The following SKAP2 variants were observed in gnomAD, a reference collection of about 807,000 sequenced individuals.
SKAP2 encodes src kinase associated phosphoprotein 2.
Under a neutral mutation model 54.9 loss-of-function variants are expected in SKAP2, and 28 were observed. That is an observed-to-expected ratio of 0.51 (90% CI 0.38 to 0.70). SKAP2 has a LOEUF of 0.70. Ranked by LOEUF, SKAP2 falls within the 30% of genes least tolerant of loss-of-function variation. The pLI is 0.00. For synonymous variants in SKAP2, 137 were observed against 134.3 expected (o/e 1.02, Z -0.14); for missense variants, 356 against 424.1 (o/e 0.84, Z 1.41).
intron 4 of SKAP2, among the ~76,000 whole-genome samples, chr7:26,839,385 C>T (rs1406947877): frequency 6.6e-6 from 1 of 151,970 alleles, no homozygotes; most frequent in East Asian, 1.9e-4. Context: ...TGTTATTAAA[C>T]TGCTAAAACA....
At chr7:26,720,176 T>G (rs748881361) in intron 9 of SKAP2, among the ~76,000 whole-genome samples, 11 of 152,030 alleles carry the variant, frequency 7.2e-5, no homozygotes, top group Non-Finnish European at 1.6e-4. Flanking sequence ...TGGGAACCAC[T>G]GATGTAGCTC....
intron 4 of SKAP2, among the ~76,000 whole-genome samples, chr7:26,787,899 A>G (rs1783591815): frequency 6.6e-6 from 1 of 152,142 alleles, no homozygotes; most frequent in Admixed American, 6.5e-5. Flanking sequence ...TCTGTCGCCC[A>G]GACTGGAGTG....
chr7:26,706,176 T>C (rs1264389255), intron 9 of SKAP2, among the ~76,000 whole-genome samples: 2 of 152,170 alleles, frequency 1.3e-5, no homozygotes, highest in Non-Finnish European at 2.9e-5. Context: ...TTAATATCCA[T>C]GACTCTCTAA....
At chr7:26,738,359 T>G (rs1456036064) in intron 6 of SKAP2, among the ~76,000 whole-genome samples, 1 of 152,228 alleles carries the variant, frequency 6.6e-6, no homozygotes, top group Non-Finnish European at 1.5e-5. Context: ...CTGTTATTCC[T>G]TAAATCTGTA....
intron 9 of SKAP2, among the ~76,000 whole-genome samples, chr7:26,721,783 T>C (rs1787583319): frequency 6.6e-6 from 1 of 152,048 alleles, no homozygotes; most frequent in South Asian, 2.1e-4. Context: ...TTTCCTGCCA[T>C]TAAAGAAAAA....
chr7:26,823,697 G>T (rs749780159), intron 4 of SKAP2, among the ~76,000 whole-genome samples: 9 of 152,206 alleles, frequency 5.9e-5, no homozygotes, highest in Non-Finnish European at 1.3e-4. Flanking sequence ...GAGTTTGGAA[G>T]AAGTTAATTC....
At chr7:26,709,474 A>G (rs1398244830) in intron 9 of SKAP2, among the ~76,000 whole-genome samples, 1 of 152,182 alleles carries the variant, frequency 6.6e-6, no homozygotes, top group Non-Finnish European at 1.5e-5. Flanking sequence ...AGGCCCTCCA[A>G]TGATTCCTCT....
chr7:26,817,332 CAG>C (rs1406299747), intron 4 of SKAP2, among the ~76,000 whole-genome samples: 3 of 151,714 alleles, frequency 2.0e-5, no homozygotes, highest in East Asian at 1.9e-4. Flanking sequence ...AACAGAAAGA[CAG>C]GGGATTTAAA....
the SKAP2 span, among the ~76,000 whole-genome samples, chr7:26,661,020 CAA>C: frequency 6.6e-6 from 1 of 152,050 alleles, no homozygotes; most frequent in Non-Finnish European, 1.5e-5. Context: ...TAAATAAACT[CAA>C]ACTTACTTTG....
At chr7:26,812,177 CTT>C (rs1784160748) in intron 4 of SKAP2, among the ~76,000 whole-genome samples, 1 of 152,168 alleles carries the variant, frequency 6.6e-6, no homozygotes, top group East Asian at 1.9e-4. Flanking sequence ...AACCTCACTT[CTT>C]TTCCCTCTTT....
At position 26,837,399 on chromosome 7, in the gene SKAP2, T is replaced by C. The variant is rs552630622; in HGVS notation, c.307+6631A>G. On this transcript the variant is annotated intron_variant, in intron 4 of 12. Coordinates refer to ENST00000345317, the MANE Select transcript of SKAP2 (RefSeq NM_003930.5). ...GAAGGCTGTACAGGAAGCATGGCAC[T>C]GGACATCTGCTTGGCTTCTGAGAAA... is the stretch of plus-strand genomic sequence containing the variant. Among the ~76,000 whole-genome samples, 7 of 152,248 alleles carry C rather than the reference T, an allele frequency of 4.6e-5. No homozygotes were observed. In the South Asian group the frequency reaches 1.5e-3, roughly 32 times the overall value.
At chr7:26,738,599 T>C (rs1782358402) in intron 6 of SKAP2, among the ~76,000 whole-genome samples, 196 bp downstream of exon 6, 1 of 152,176 alleles carries the variant, frequency 6.6e-6, no homozygotes, top group African/African-American at 2.4e-5. Context: ...CACAATTGTT[T>C]TAGCTCTGAG....
intron 4 of SKAP2, among the ~76,000 whole-genome samples, chr7:26,842,727 A>G (rs1784842854): frequency 6.6e-6 from 1 of 151,956 alleles, no homozygotes; most frequent in African/African-American, 2.4e-5. Context: ...TTAAATAATA[A>G]TTCATTGTTT....
chr7:26,827,112 T>C (rs1221717506), intron 4 of SKAP2, among the ~76,000 whole-genome samples: 1 of 152,138 alleles, frequency 6.6e-6, no homozygotes, highest in Non-Finnish European at 1.5e-5. Flanking sequence ...ATAATTCTTA[T>C]TAAACTCCTT....
At position 26,735,539 on chromosome 7, in the gene SKAP2, C is replaced by T. The variant is rs370192568; in HGVS notation, c.469+3256G>A. On this transcript the variant is annotated intron_variant, in intron 6 of 12. Coordinates refer to ENST00000345317, the MANE Select transcript of SKAP2 (RefSeq NM_003930.5). ...ATAGGTCAATATGTTTTTTGGCACA[C>T]GCAATATGGTAGAAAATGTGAACTA... Among the ~76,000 whole-genome samples, 14 of 152,212 alleles carry T rather than the reference C, an allele frequency of 9.2e-5. No individual in the cohort carries two copies. The East Asian group carries it at 9.7e-4, about 10-fold the overall frequency.
intron 9 of SKAP2, among the ~76,000 whole-genome samples, chr7:26,717,330 CA>C (rs1287968423): frequency 6.6e-6 from 1 of 151,414 alleles, no homozygotes; most frequent in Non-Finnish European, 1.5e-5. Context: ...GACGACATGG[CA>C]AAACACCGTC....
chr7:26,717,474 C>T (rs1038593201), intron 9 of SKAP2, among the ~76,000 whole-genome samples: 2 of 121,852 alleles, frequency 1.6e-5, no homozygotes, highest in Admixed American at 2.2e-4. Context: ...CACATCATTG[C>T]ATTCTAGCCT....
chr7:26,776,481 AT>A (rs1383626537), intron 4 of SKAP2, among the ~76,000 whole-genome samples: 1 of 151,856 alleles, frequency 6.6e-6, no homozygotes, highest in East Asian at 1.9e-4. Flanking sequence ...TTTCCTTCCT[AT>A]AATCTCTATC....
intron 9 of SKAP2, among the ~76,000 whole-genome samples, chr7:26,725,071 A>G (rs1424119620): frequency 6.6e-6 from 1 of 152,092 alleles, no homozygotes; most frequent in South Asian, 2.1e-4. Context: ...ATGTATAAAT[A>G]AAAAACGATG....
Sources: gnomAD v4.1 joint callset for allele counts (sites outside exome capture counted in the v4.1 genomes callset) on GRCh38, gnomAD v4.1.1 for gene constraint, MANE v1.5 for transcripts, NCBI Gene and HGNC (gene_info 2026-07-23, HGNC 2026-07-21) for gene names.